The following PRKN variants were observed in gnomAD, a reference collection of about 807,000 sequenced individuals.
PRKN encodes the protein E3 ubiquitin-protein ligase parkin.
A neutral mutation model predicts 59.5 loss-of-function variants in PRKN; 56 were observed. The observed-to-expected ratio is 0.94, with a 90% CI of 0.76 to 1.18. The LOEUF is 1.18. PRKN is among the 50% of genes most tolerant of loss of function. The pLI is 0.00. For missense variants in PRKN, 657 were observed against 596.4 expected (o/e 1.10, Z -1.06); for synonymous variants, 250 against 222.1 (o/e 1.13, Z -1.12).
At chr6:162,235,965 G>GAAAGAAAAAGAAAGAAAGAAAGA (rs1562602335) in intron 3 of PRKN, among the ~76,000 whole-genome samples, 8 of 93,606 alleles carry the variant, frequency 8.5e-5, no homozygotes, top group African/African-American at 4.0e-4. Flanking sequence ...AAGGAAGAAA[G>GAAAGAAAAAGAAAGAAAGAAAGA]AAAGAAAGAA....
At chr6:161,754,923 A>G (rs1788850618) in intron 7 of PRKN, among the ~76,000 whole-genome samples, 1 of 152,200 alleles carries the variant, frequency 6.6e-6, no homozygotes, top group Non-Finnish European at 1.5e-5. Context: ...AATGTTGAAG[A>G]TGGCAGAGCC....
At chr6:161,631,325 AT>A (rs1368812737) in intron 7 of PRKN, among the ~76,000 whole-genome samples, 1 of 152,244 alleles carries the variant, frequency 6.6e-6, no homozygotes, top group Non-Finnish European at 1.5e-5. Flanking sequence ...TAGAGTACCA[AT>A]AAGCTCTACA....
chr6:161,609,438 T>C (rs986964015), intron 7 of PRKN, among the ~76,000 whole-genome samples: 1 of 152,208 alleles, frequency 6.6e-6, no homozygotes, highest in Non-Finnish European at 1.5e-5. Context: ...GGCATCTTAA[T>C]AACTATTTGG....
intron 7 of PRKN, among the ~76,000 whole-genome samples, chr6:161,636,210 G>T (rs1240452356): frequency 1.3e-5 from 2 of 152,252 alleles, no homozygotes; most frequent in Admixed American, 1.3e-4. Flanking sequence ...GCACAGGACA[G>T]CCTAGGGGAG....
rs1187480309 is a variant in PRKN, at chr6:161,388,736, GC to G, written c.1084-1860del. ...TTGGGACACTTGCTCTTGAAGCCCA[GC>G]TGCCATATGGTAAGGAAGCTCAACA... On this transcript the variant is annotated intron_variant, in intron 9 of 11. Coordinates refer to ENST00000366898, the MANE Select transcript of PRKN (RefSeq NM_004562.3). The surrounding 1 kb of genome is among the most constrained non-coding windows in gnomAD (Gnocchi z 4.3). Among the ~76,000 whole-genome samples, 1 of 152,212 alleles carries G rather than the reference GC, an allele frequency of 6.6e-6. No homozygotes were observed. Among genetic ancestry groups the G allele is most frequent in the Non-Finnish European group, 1.5e-5 (1 of 68,032 alleles).
chr6:162,114,128 T>C (rs1330708689), intron 4 of PRKN, among the ~76,000 whole-genome samples: 2 of 151,922 alleles, frequency 1.3e-5, no homozygotes, highest in African/African-American at 2.4e-5. Flanking sequence ...CCTTGTAGTA[T>C]AGTTTGAAGT....
At chr6:162,025,255 G>A (rs1430634654) in intron 5 of PRKN, among the ~76,000 whole-genome samples, 1 of 151,798 alleles carries the variant, frequency 6.6e-6, no homozygotes, top group Non-Finnish European at 1.5e-5. Context: ...CGACCGCCTC[G>A]GCCTCCGAAA....
chr6:162,201,204 C>A lies in PRKN; in HGVS notation c.461G>T (p.Cys154Phe). ...GAGTTTTCCCGGCTGCACTCTTTGA[C>A]AGGGGCCTTTGCAATACACATAAAA... ...NSFYVYCKGP[C>F]QRVQPGKLRV... is the part of the protein sequence containing the mutation. The change falls in exon 4 of 12, where the codon TGT becomes TTT. Residue 154 changes from cysteine to phenylalanine, a missense_variant. Physicochemically the swap from Cys to Phe is radical, Grantham distance 205. Transcript: ENST00000366898. 1 of 1,614,028 alleles carries A rather than the reference C, an allele frequency of 6.2e-7. No individual in the cohort carries two copies. The highest frequency in any genetic ancestry group is 8.5e-7 in the Non-Finnish European group (1 of 1,179,928).
intron 1 of PRKN, among the ~76,000 whole-genome samples, chr6:162,601,183 CCT>C (rs1781694700): frequency 1.3e-5 from 2 of 152,044 alleles, no homozygotes; most frequent in Admixed American, 1.3e-4. Context: ...TCAGCTTGGG[CCT>C]CTCTTCTTCT....
At chr6:161,754,434 C>T (rs1357001004) in intron 7 of PRKN, among the ~76,000 whole-genome samples, 1 of 152,008 alleles carries the variant, frequency 6.6e-6, no homozygotes, top group Non-Finnish European at 1.5e-5. Context: ...AGTGCACGGG[C>T]CATGGCGGAG....
chr6:161,946,451 C>CT (rs1554253070), intron 6 of PRKN, among the ~76,000 whole-genome samples: 64 of 136,650 alleles, frequency 4.7e-4, no homozygotes, highest in African/African-American at 1.7e-3. Context: ...CTCTCTCTCT[C>CT]AATACAAAAG....
intron 4 of PRKN, among the ~76,000 whole-genome samples, chr6:162,200,237 C>CA (rs1456684896): frequency 6.6e-6 from 1 of 152,156 alleles, no homozygotes; most frequent in African/African-American, 2.4e-5. Flanking sequence ...GCTCGGCCTG[C>CA]ATGCCCTCTA....
chr6:161,890,681 GA>G (rs1420388505), intron 6 of PRKN, among the ~76,000 whole-genome samples: 1 of 152,170 alleles, frequency 6.6e-6, no homozygotes, highest in Non-Finnish European at 1.5e-5. Flanking sequence ...TTTACCCTGG[GA>G]AAAGTCTGTC....
intron 1 of PRKN, among the ~76,000 whole-genome samples, chr6:162,623,157 T>C (rs1038032230): frequency 3.3e-5 from 5 of 152,230 alleles, no homozygotes; most frequent in African/African-American, 1.2e-4. Context: ...CTTCGGGTCA[T>C]AAATGCCTCA....
intron 6 of PRKN, among the ~76,000 whole-genome samples, chr6:161,944,053 AG>A (rs1286055962): frequency 0.019 from 2,566 of 137,672 alleles, 63 homozygotes; most frequent in East Asian, 0.093. Context: ...GACCAGCCTG[AG>A]GGATCAGCCT....
chr6:161,631,959 AGTC>A (rs1783331014), intron 7 of PRKN, among the ~76,000 whole-genome samples: 1 of 152,222 alleles, frequency 6.6e-6, no homozygotes, highest in Admixed American at 6.5e-5. Flanking sequence ...AAAATGTGTA[AGTC>A]GTTAACTATT....
intron 5 of PRKN, among the ~76,000 whole-genome samples, chr6:162,029,201 A>G (rs968889977): frequency 3.9e-5 from 6 of 152,034 alleles, no homozygotes; most frequent in African/African-American, 1.2e-4. Context: ...ACCCCCACAC[A>G]TGATACAGAG....
intron 6 of PRKN, among the ~76,000 whole-genome samples, chr6:161,859,906 A>G (rs1793820946): frequency 6.6e-6 from 1 of 152,194 alleles, no homozygotes; most frequent in Admixed American, 6.5e-5. Flanking sequence ...TTCCCCTGAG[A>G]AAAACTGAAC....
At chr6:162,165,670 G>A (rs1348356390) in intron 4 of PRKN, among the ~76,000 whole-genome samples, 1 of 149,160 alleles carries the variant, frequency 6.7e-6, no homozygotes, top group Non-Finnish European at 1.5e-5. Flanking sequence ...AGAGTCAGAG[G>A]TTTGACCTTT....
Sources: allele counts gnomAD v4.1 joint callset (sites outside exome capture counted in the v4.1 genomes callset), GRCh38; gene constraint gnomAD v4.1.1; non-coding constraint Gnocchi (gnomAD v3.1); transcripts MANE v1.5; gene names NCBI Gene and HGNC (gene_info 2026-07-23, HGNC 2026-07-21).